The following RGL1 variants were observed in gnomAD, a reference collection of about 807,000 sequenced individuals.
The protein encoded by RGL1 is ral guanine nucleotide dissociation stimulator-like 1.
RGL1 carries 24 observed loss-of-function variants against 95.2 expected under a neutral mutation model. The ratio of observed to expected loss-of-function variants is 0.25; its 90% CI spans 0.18 to 0.35. The LOEUF (loss-of-function observed/expected upper bound fraction) is 0.35, where lower values mean the gene tolerates loss of function less well. Ranked by LOEUF, RGL1 falls within the 10% of genes least tolerant of loss-of-function variation. RGL1 has a pLI of 1.00. For synonymous variants in RGL1, 329 were observed against 344.9 expected (o/e 0.95, Z 0.51); for missense variants, 715 against 936.3 (o/e 0.76, Z 3.08).
At chr1:183,921,965 A>T (rs1305633500) in intron 16 of RGL1, among the ~76,000 whole-genome samples, 1 of 152,224 alleles carries the variant, frequency 6.6e-6, no homozygotes, top group East Asian at 1.9e-4. Context: ...ATAGGCAAGG[A>T]AAGCGTTCTC....
intron 1 of RGL1, among the ~76,000 whole-genome samples, chr1:183,656,113 C>CT (rs60220835): frequency 5.7e-4 from 82 of 145,000 alleles, no homozygotes; most frequent in Admixed American, 1.2e-3. Context: ...CTTTTCTTTT[C>CT]TTTTTTTTTT....
At chr1:183,683,730 A>G (rs527391366) in intron 1 of RGL1, among the ~76,000 whole-genome samples, 1 of 152,144 alleles carries the variant, frequency 6.6e-6, no homozygotes, top group African/African-American at 2.4e-5. Context: ...AGTTTGGGGA[A>G]GTTCTCCTGG....
intron 1 of RGL1, among the ~76,000 whole-genome samples, chr1:183,719,191 C>G (rs1655832599): frequency 6.6e-6 from 1 of 152,190 alleles, no homozygotes; most frequent in African/African-American, 2.4e-5. Flanking sequence ...GGGCAAACTA[C>G]ACTATTCATT....
At chr1:183,912,365 T>C (rs561871662) in intron 15 of RGL1, 97 bp downstream of exon 15, 6 of 993,756 alleles carry the variant, frequency 6.0e-6, no homozygotes, top group South Asian at 3.5e-5. Context: ...TGGATCACTC[T>C]ATAGTATTTT....
At chr1:183,772,464 T>G (rs979297632) in intron 2 of RGL1, among the ~76,000 whole-genome samples, 3 of 152,222 alleles carry the variant, frequency 2.0e-5, no homozygotes, top group Non-Finnish European at 4.4e-5. Flanking sequence ...AATGACATTT[T>G]TTAAATTTTT....
intron 3 of RGL1, among the ~76,000 whole-genome samples, chr1:183,859,620 A>G (rs1424040741): frequency 6.6e-6 from 1 of 152,190 alleles, no homozygotes; most frequent in Admixed American, 6.5e-5. Flanking sequence ...GCAAAGGCCT[A>G]GAGGTGAGGA....
At chr1:183,749,007 T>C (rs533413817) in intron 2 of RGL1, among the ~76,000 whole-genome samples, 1 of 152,342 alleles carries the variant, frequency 6.6e-6, no homozygotes, top group South Asian at 2.1e-4. Context: ...ATTTCAATTC[T>C]TTTACATTTG....
At chr1:183,649,018 T>A (rs1296384538) in intron 1 of RGL1, among the ~76,000 whole-genome samples, 2 of 152,252 alleles carry the variant, frequency 1.3e-5, no homozygotes, top group Admixed American at 6.5e-5. Flanking sequence ...GTTCTTCAAC[T>A]TTACCTGTTT....
At chr1:183,673,366 G>T (rs1403975219) in intron 1 of RGL1, among the ~76,000 whole-genome samples, 1 of 152,182 alleles carries the variant, frequency 6.6e-6, no homozygotes, top group Non-Finnish European at 1.5e-5. Context: ...CATCAAACAT[G>T]TAGGCTGAGA....
chr1:183,696,123 A>T (rs147502066), intron 1 of RGL1, among the ~76,000 whole-genome samples: 1 of 152,134 alleles, frequency 6.6e-6, no homozygotes, highest in East Asian at 1.9e-4. Context: ...AGGTCCCTAG[A>T]CCTCTGTGTA....
At chr1:183,756,697 T>G (rs899657021) in intron 2 of RGL1, among the ~76,000 whole-genome samples, 6 of 152,208 alleles carry the variant, frequency 3.9e-5, no homozygotes, top group Non-Finnish European at 7.3e-5. Context: ...TTTTTCATGA[T>G]AGTAATTCTT....
At chr1:183,765,372 A>G (rs1438353454) in intron 2 of RGL1, among the ~76,000 whole-genome samples, 1 of 152,212 alleles carries the variant, frequency 6.6e-6, no homozygotes, top group East Asian at 1.9e-4. Flanking sequence ...AAGTTTCTGA[A>G]TTCTGGATAA....
In RGL1 at chr1:183,884,922, G is replaced by A; in HGVS notation, c.935G>A (p.Trp312Ter). 6.2e-7 allele frequency: 1 copy of A among 1,613,784 alleles called. No homozygotes were observed. Among genetic ancestry groups the A allele is most frequent in the Non-Finnish European group, 8.5e-7 (1 of 1,179,736 alleles). ...CAGAGAGCCAAAATCATTGAGAAGT[G>A]GATCAACATCGCTCATGTAATTGTC... ...TQQRAKIIEK[W>*]INIAHECRLL... is the part of the protein sequence containing the mutation. The change falls in exon 7 of 18, where the codon TGG becomes TAG. Residue 312 changes from tryptophan to a stop codon, truncating the protein, a stop_gained. Transcript: ENST00000360851. LOFTEE classifies it high-confidence loss of function.
chr1:183,686,821 A>G (rs552237496), intron 1 of RGL1, among the ~76,000 whole-genome samples: 58 of 152,270 alleles, frequency 3.8e-4, no homozygotes, highest in African/African-American at 1.4e-3. Flanking sequence ...TGCAATTTAA[A>G]AAAATACATC....
At chr1:183,636,673 G>C (rs538965033) in intron 1 of RGL1, among the ~76,000 whole-genome samples, 2 of 152,102 alleles carry the variant, frequency 1.3e-5, no homozygotes, top group Non-Finnish European at 2.9e-5. Context: ...GCTCTCTAGT[G>C]CTGGGGGAAA....
chr1:183,736,211 T>G (rs148308762), intron 1 of RGL1, among the ~76,000 whole-genome samples: 49 of 152,318 alleles, frequency 3.2e-4, no homozygotes, highest in African/African-American at 1.1e-3. Context: ...ATAAGTACAA[T>G]ACGTGAGTGA....
chr1:183,875,812 A>G (rs761486946), intron 4 of RGL1, among the ~76,000 whole-genome samples: 13 of 150,612 alleles, frequency 8.6e-5, no homozygotes, highest in Non-Finnish European at 1.8e-4. Flanking sequence ...CTGGGAGGCG[A>G]AGATTGCAGT....
At chr1:183,825,232 T>C (rs1662765941) in intron 2 of RGL1, among the ~76,000 whole-genome samples, 1 of 152,182 alleles carries the variant, frequency 6.6e-6, no homozygotes, top group African/African-American at 2.4e-5. Context: ...GGTTTCTGGA[T>C]TAGAAGAGAT....
At chr1:183,796,677 T>C (rs1468400850) in intron 2 of RGL1, among the ~76,000 whole-genome samples, 1 of 152,184 alleles carries the variant, frequency 6.6e-6, no homozygotes, top group Non-Finnish European at 1.5e-5. Context: ...TTCAGTACCA[T>C]TTCAATACCA....
Sources: allele counts gnomAD v4.1 joint callset (sites outside exome capture counted in the v4.1 genomes callset), GRCh38; gene constraint gnomAD v4.1.1; transcripts MANE v1.5; gene names NCBI Gene and HGNC (gene_info 2026-07-23, HGNC 2026-07-21).